The following HSPA12A variants were observed in gnomAD, a reference collection of about 807,000 sequenced individuals.
The protein encoded by HSPA12A is heat shock protein family A (Hsp70) member 12A, also known as heat shock 70 kDa protein 12A.
A neutral mutation model predicts 69.2 loss-of-function variants in HSPA12A; 28 were observed. The observed-to-expected ratio is 0.40, with a 90% confidence interval of 0.30 to 0.55. HSPA12A has a LOEUF of 0.55. HSPA12A is among the 20% of genes least tolerant of loss of function. The pLI, the probability that HSPA12A is intolerant of heterozygous loss-of-function variation, is 0.38. For synonymous variants in HSPA12A, 345 were observed against 370.5 expected, an observed-to-expected ratio of 0.93 and a Z score of 0.79; for missense variants, 686 against 900.7, an observed-to-expected ratio of 0.76 and a Z score of 3.05.
intron 2 of HSPA12A, among the ~76,000 whole-genome samples, chr10:116,786,983 G>GACACACACACAC (rs111355992): frequency 1.5e-5 from 1 of 66,734 alleles, no homozygotes; most frequent in African/African-American, 3.7e-5. Context: ...TCACCTCCCG[G>GACACACACACAC]ACACACACAC....
In HSPA12A at chr10:116,675,250, A is replaced by G; in HGVS notation, c.1559T>C (p.Leu520Pro). ...GATGACCGCGGGGTCCAGGCCAAAG[A>G]GGACGGCACCCTTGAGGATGGTGAG... ...VGLTILKGAVLFGLDPAVIKV... is the reference protein window; with the variant it reads ...VGLTILKGAVPFGLDPAVIKV... The change falls in exon 12 of 12, where the codon CTC (leucine) becomes CCC (proline). Residue 520 changes from leucine (L) to proline (P), a missense_variant. Transcript: ENST00000369209. This position sits in a 1 kb window ranked among gnomAD's most constrained non-coding sequence, Gnocchi z 5.2. 1 of 1,613,722 alleles carries G rather than the reference A, an allele frequency of 6.2e-7. No homozygotes were observed. The highest frequency in any genetic ancestry group is 8.5e-7 in the Non-Finnish European group (1 of 1,180,038).
chr10:116,732,907 T>C (rs2133051613), intron 1 of HSPA12A, among the ~76,000 whole-genome samples: 1 of 152,242 alleles, frequency 6.6e-6, no homozygotes. Context: ...TGGCTTTGCC[T>C]AGTGTCCTGG....
In HSPA12A at chr10:116,721,720, T is replaced by G. The variant is rs186344391; in HGVS notation, c.41-14435A>C. 4.0e-3 allele frequency among the ~76,000 whole-genome samples: 615 copies of G among 152,222 alleles called. 14 individuals are homozygous for G. The highest frequency in any genetic ancestry group is 2.8e-3 in the Non-Finnish European group (193 of 68,016). Reference sequence around the variant, plus strand: ...AGTCTCTCCAAACCCTTTACTGAGCTGCGGTGGGGACAGCAGGCCTCAGAA... The same window carrying G: ...AGTCTCTCCAAACCCTTTACTGAGCGGCGGTGGGGACAGCAGGCCTCAGAA... On this transcript the variant is annotated intron_variant, in intron 1 of 11. Transcript: ENST00000369209.
At position 116,796,913 on chromosome 10, in the gene HSPA12A, C is replaced by T. The variant is rs762134528; in HGVS notation, c.91+38022G>A. ...CCAAACCCTCACTATATCATTTTTC[C>T]GCCCACTTCAAAGATGTATAGCAGG... On this transcript the variant is annotated intron_variant, in intron 2 of 12. Coordinates refer to the HSPA12A transcript ENST00000635765. Among the ~76,000 whole-genome samples the T allele has an allele frequency of 1.3e-5, 2 of 152,236 alleles. 1 individual carries two copies. Among genetic ancestry groups the T allele is most frequent in the South Asian group, 4.2e-4 (2 of 4,810 alleles).
chr10:116,804,322 C>A (rs1845023289), intron 2 of HSPA12A, among the ~76,000 whole-genome samples: 1 of 152,212 alleles, frequency 6.6e-6, no homozygotes, highest in Non-Finnish European at 1.5e-5. Flanking sequence ...GGAACTGAGG[C>A]TGGGTCCGCC....
chr10:116,726,202 A>G (rs1268294976), intron 1 of HSPA12A, among the ~76,000 whole-genome samples: 2 of 151,964 alleles, frequency 1.3e-5, no homozygotes, highest in Non-Finnish European at 2.9e-5. Context: ...ATATTTACCA[A>G]AGGCCCAAGG....
At chr10:116,715,921 G>C (rs1850587621) in intron 1 of HSPA12A, among the ~76,000 whole-genome samples, 1 of 152,196 alleles carries the variant, frequency 6.6e-6, no homozygotes, top group Non-Finnish European at 1.5e-5. Flanking sequence ...GGCTTCTCTG[G>C]GGCTGAGGCT....
In HSPA12A at chr10:116,693,562, G is replaced by A. The variant is rs533346461; in HGVS notation, c.547-1095C>T. Reference sequence around the variant, plus strand: ...CACCAGACAAATCTGTAATCAAACCGAAACACACACCAAGGCACTTCTGTG... The same window carrying A: ...CACCAGACAAATCTGTAATCAAACCAAAACACACACCAAGGCACTTCTGTG... On this transcript the variant is annotated intron_variant, in intron 5 of 11. Transcript: ENST00000369209. Among the ~76,000 whole-genome samples the A allele has an allele frequency of 9.5e-4, 145 of 152,172 alleles. 2 individuals carry two copies. In the South Asian group the frequency reaches 0.027, roughly 29 times the overall value.
chr10:116,731,008 T>C (rs1004157), intron 1 of HSPA12A, among the ~76,000 whole-genome samples: 143,365 of 152,328 alleles, frequency 0.94, 67,670 homozygotes, highest in Non-Finnish European at 0.98. Flanking sequence ...TGGGCCAGCT[T>C]CTCTGCGCAG....
At chr10:116,736,241 T>G (rs1160796473) in intron 1 of HSPA12A, among the ~76,000 whole-genome samples, 2 of 152,024 alleles carry the variant, frequency 1.3e-5, no homozygotes, top group Non-Finnish European at 2.9e-5. Context: ...CCTACTGAGA[T>G]TGAATAGAAG....
At position 116,839,604 on chromosome 10, in the gene HSPA12A, T is replaced by TAA. The variant is rs59427633; in HGVS notation, c.4-4584_4-4583dup. ...CAAAGGACTTCGTAGATGCCTACCG[T>TAA]AAAAAAAAAAAAAAAAAAAAAAAAA... On this transcript the variant is annotated intron_variant, in intron 1 of 12. Transcript: ENST00000635765. Among the ~76,000 whole-genome samples the TAA allele has an allele frequency of 5.8e-3, 344 of 59,090 alleles. 6 individuals carry two copies. Among genetic ancestry groups the TAA allele is most frequent in the African/African-American group, 9.4e-3 (155 of 16,512 alleles). 38.8% of individuals were successfully genotyped at this position (59,090 alleles called of 152,430 possible). A position where few individuals can be genotyped will look rare whatever the true frequency, so the allele number is the denominator to read the frequency against.
intron 2 of HSPA12A, among the ~76,000 whole-genome samples, chr10:116,812,464 A>C (rs1845211243): frequency 6.6e-6 from 1 of 151,554 alleles, no homozygotes; most frequent in African/African-American, 2.4e-5. Context: ...AAAATAAAAT[A>C]AAATAAAATA....
At chr10:116,690,467 A>G (rs1849704545) in intron 6 of HSPA12A, among the ~76,000 whole-genome samples, 1 of 152,228 alleles carries the variant, frequency 6.6e-6, no homozygotes, top group South Asian at 2.1e-4. Flanking sequence ...TGTCAATGGA[A>G]CAAAGCAAGT....
intron 2 of HSPA12A, chr10:116,831,800 A>G (rs2133210593): frequency 6.6e-6 from 1 of 152,276 alleles, no homozygotes; most frequent in South Asian, 2.1e-4. Context: ...CTTTACCACT[A>G]ATCTCCTCCA....
At chr10:116,826,374 G>A (rs1845505521) in intron 2 of HSPA12A, among the ~76,000 whole-genome samples, 1 of 152,188 alleles carries the variant, frequency 6.6e-6, no homozygotes, top group Non-Finnish European at 1.5e-5. Flanking sequence ...CAGACAAGAG[G>A]TGCTTAATAA....
intron 2 of HSPA12A, among the ~76,000 whole-genome samples, chr10:116,825,984 G>T (rs755601664): frequency 6.6e-6 from 1 of 152,142 alleles, no homozygotes; most frequent in African/African-American, 2.4e-5. Context: ...CAACAGAAAG[G>T]CTTCCGGGGA....
intron 2 of HSPA12A, among the ~76,000 whole-genome samples, chr10:116,799,750 G>A (rs1032114704): frequency 2.6e-5 from 4 of 152,210 alleles, no homozygotes; most frequent in African/African-American, 9.6e-5. Flanking sequence ...CCATGAAGGA[G>A]GGTGCAGGGC....
At chr10:116,849,814 TGC>T, upstream of HSPA12A, 3 of 1,402,284 alleles carry the variant, frequency 2.1e-6, no homozygotes, top group Non-Finnish European at 2.9e-6. Context: ...CGCCTGCGCC[TGC>T]GCCTCAGAAT....
At chr10:116,681,981 A>T (rs1849418216) in intron 7 of HSPA12A, 104 bp from the exon 8 acceptor site, 1 of 992,162 alleles carries the variant, frequency 1.0e-6, no homozygotes, top group Non-Finnish European at 1.6e-6. Context: ...TTAGGGATGG[A>T]ACATTAGTGA....
Sources: allele counts gnomAD v4.1 joint callset (sites outside exome capture counted in the v4.1 genomes callset), GRCh38; gene constraint gnomAD v4.1.1; non-coding constraint Gnocchi (gnomAD v3.1); transcripts MANE v1.5; gene names NCBI Gene and HGNC (gene_info 2026-07-23, HGNC 2026-07-21).